The following IRAK1BP1 variants were observed in gnomAD, a reference collection of about 807,000 sequenced individuals.
IRAK1BP1 encodes the protein interleukin 1 receptor associated kinase 1 binding protein 1.
A neutral mutation model predicts 28.0 loss-of-function variants in IRAK1BP1; 24 were observed. The observed-to-expected ratio is 0.86, with a 90% CI of 0.62 to 1.20. The LOEUF (loss-of-function observed/expected upper bound fraction) is 1.20. Among genes scored for constraint, IRAK1BP1 ranks in the 50% most tolerant of loss-of-function variants. The pLI is 0.00. For synonymous variants in IRAK1BP1, 131 were observed against 116.3 expected (o/e 1.13, Z -0.81); for missense variants, 336 against 316.7 (o/e 1.06, Z -0.46).
At chr6:78,978,700 C>G in the IRAK1BP1 span, 1 of 1,596,846 alleles carries the variant, frequency 6.3e-7, no homozygotes, top group Non-Finnish European at 8.6e-7. Flanking sequence ...TTAGTTCTCC[C>G]ACAGCCAATC....
intron 2 of IRAK1BP1, among the ~76,000 whole-genome samples, chr6:78,889,734 C>T (rs1771566882): frequency 6.6e-6 from 1 of 152,106 alleles, no homozygotes; most frequent in South Asian, 2.1e-4. Flanking sequence ...CATCTCATGT[C>T]AGTTAGAATG....
At chr6:78,975,878 T>C in the IRAK1BP1 span, among the ~76,000 whole-genome samples, 1 of 148,790 alleles carries the variant, frequency 6.7e-6, no homozygotes, top group African/African-American at 2.5e-5. Flanking sequence ...TAAAAGAGGA[T>C]ACAAACAAAT....
intron 1 of IRAK1BP1, among the ~76,000 whole-genome samples, chr6:78,873,446 G>T (rs1018804280): frequency 1.3e-5 from 2 of 150,970 alleles, no homozygotes; most frequent in Admixed American, 6.6e-5. Flanking sequence ...ATGTTTATTG[G>T]GTGTATTGGG....
At chr6:78,957,772 G>A in the IRAK1BP1 span, 1 of 151,820 alleles carries the variant, frequency 6.6e-6, no homozygotes, top group South Asian at 2.1e-4. Context: ...CTTCAACTTA[G>A]GAGGCTCAAT....
intron 4 of IRAK1BP1, among the ~76,000 whole-genome samples, chr6:78,920,819 CA>C (rs1772702094): frequency 6.6e-6 from 1 of 151,962 alleles, no homozygotes; most frequent in African/African-American, 2.4e-5. Context: ...TTGTGCATAG[CA>C]AATATATATA....
chr6:78,956,890 C>G, the IRAK1BP1 span: 4 of 152,022 alleles, frequency 2.6e-5, no homozygotes, highest in Non-Finnish European at 4.4e-5. Flanking sequence ...ACAGATTTAT[C>G]TATCCTATGA....
At chr6:78,922,369 A>G (rs1772759692) in intron 4 of IRAK1BP1, among the ~76,000 whole-genome samples, 1 of 152,236 alleles carries the variant, frequency 6.6e-6, no homozygotes, top group Non-Finnish European at 1.5e-5. Flanking sequence ...AGAGAAGTTT[A>G]GAGAAAAAAG....
intron 2 of IRAK1BP1, among the ~76,000 whole-genome samples, chr6:78,896,068 G>C (rs946411746): frequency 6.6e-6 from 1 of 152,092 alleles, no homozygotes; most frequent in Non-Finnish European, 1.5e-5. Flanking sequence ...ACACTGCAAA[G>C]CATTCCAGAG....
At chr6:78,913,817 A>G (rs1772487143) in intron 4 of IRAK1BP1, among the ~76,000 whole-genome samples, 1 of 152,234 alleles carries the variant, frequency 6.6e-6, no homozygotes, top group Admixed American at 6.5e-5. Flanking sequence ...ATTTGTTAAA[A>G]TTCTTGGAAA....
the IRAK1BP1 span, among the ~76,000 whole-genome samples, chr6:78,967,036 T>A: frequency 6.6e-6 from 1 of 152,218 alleles, no homozygotes; most frequent in Non-Finnish European, 1.5e-5. Context: ...TAAGTTAAAA[T>A]GAATTAAGTT....
downstream of IRAK1BP1, among the ~76,000 whole-genome samples, chr6:78,905,795 G>C (rs146150004): frequency 6.4e-4 from 98 of 152,200 alleles, 1 homozygote; most frequent in South Asian, 8.1e-3. Flanking sequence ...TAGAGACAGG[G>C]TTTCACCATG....
At chr6:78,885,156 A>G (rs1022862660) in intron 1 of IRAK1BP1, among the ~76,000 whole-genome samples, 2 of 152,124 alleles carry the variant, frequency 1.3e-5, no homozygotes, top group Non-Finnish European at 2.9e-5. Context: ...GAATAAAACT[A>G]TTTTCAAATT....
At chr6:78,945,835 A>G (rs1452655474) in exon 5 of IRAK1BP1, 2 of 627,180 alleles carry the variant, frequency 3.2e-6, no homozygotes, top group African/African-American at 1.9e-5. Flanking sequence ...CCTCAATTTA[A>G]TTCTTCTTAT....
chr6:78,943,983 CTTT>C (rs201550604), intron 4 of IRAK1BP1, among the ~76,000 whole-genome samples: 36 of 95,828 alleles, frequency 3.8e-4, no homozygotes, highest in East Asian at 2.1e-3. Flanking sequence ...AAGATCCTGT[CTTT>C]TTTTAAAAAA....
chr6:78,960,935 T>C, the IRAK1BP1 span, among the ~76,000 whole-genome samples: 1 of 152,122 alleles, frequency 6.6e-6, no homozygotes, highest in Non-Finnish European at 1.5e-5. Context: ...CAGTAATAAA[T>C]AACTGGTCAC....
At chr6:78,932,119 G>A (rs1195101683) in intron 4 of IRAK1BP1, among the ~76,000 whole-genome samples, 3 of 152,168 alleles carry the variant, frequency 2.0e-5, no homozygotes, top group African/African-American at 2.4e-5. Flanking sequence ...TCATGAGATT[G>A]CAGCAATTCA....
At chr6:78,921,669 TC>T (rs1054577091) in intron 4 of IRAK1BP1, among the ~76,000 whole-genome samples, 30 of 152,254 alleles carry the variant, frequency 2.0e-4, no homozygotes, top group Admixed American at 1.6e-3. Flanking sequence ...CTGGGAGGCA[TC>T]CCCCAGTAGG....
the IRAK1BP1 span, among the ~76,000 whole-genome samples, chr6:78,972,922 T>C: frequency 1.3e-5 from 2 of 152,128 alleles, no homozygotes; most frequent in East Asian, 1.9e-4. Flanking sequence ...CTGAAAGTGA[T>C]GGGGAGAATG....
At chr6:78,953,951 T>C in the IRAK1BP1 span, among the ~76,000 whole-genome samples, 4 of 152,182 alleles carry the variant, frequency 2.6e-5, no homozygotes, top group South Asian at 2.1e-4. Flanking sequence ...TAAATTTAGA[T>C]TGCTATGATT....
Sources: gnomAD v4.1 joint callset for allele counts (sites outside exome capture counted in the v4.1 genomes callset) on GRCh38, gnomAD v4.1.1 for gene constraint, MANE v1.5 for transcripts, NCBI Gene and HGNC (gene_info 2026-07-23, HGNC 2026-07-21) for gene names.